NTM: variants seen among roughly 807,000 people sequenced by gnomAD.
The protein encoded by NTM is IgLON family member 2.
Under a neutral mutation model 42.1 loss-of-function variants are expected in NTM, and 13 were observed. That is an observed-to-expected ratio of 0.31 (90% CI 0.20 to 0.49). The LOEUF (loss-of-function observed/expected upper bound fraction) is 0.49, where lower values mean the gene tolerates loss of function less well. NTM is among the 20% of genes least tolerant of loss of function. The pLI is 0.99. For synonymous variants in NTM, 187 were observed against 179.2 expected (o/e 1.04, Z -0.35); for missense variants, 373 against 452.8 (o/e 0.82, Z 1.60).
At chr11:131,598,761 T>C (rs1279148842) in intron 1 of NTM, among the ~76,000 whole-genome samples, 2 of 48,948 alleles carry the variant, frequency 4.1e-5, no homozygotes, top group African/African-American at 1.4e-4. Flanking sequence ...CTTTCTTCTT[T>C]CTTTTTTTCT....
At chr11:131,730,870 G>A (rs1441929882) in intron 1 of NTM, among the ~76,000 whole-genome samples, 1 of 152,078 alleles carries the variant, frequency 6.6e-6, no homozygotes, top group Admixed American at 6.5e-5. Context: ...GTTTCTCTCT[G>A]ATATAAAACA....
At chr11:131,654,085 G>A (rs1034945176) in intron 1 of NTM, among the ~76,000 whole-genome samples, 2 of 152,182 alleles carry the variant, frequency 1.3e-5, no homozygotes, top group Admixed American at 6.5e-5. Context: ...GACTGTAACC[G>A]GTGATGGTGG....
chr11:131,484,299 GT>G (rs1209083262), intron 1 of NTM, among the ~76,000 whole-genome samples: 1 of 152,128 alleles, frequency 6.6e-6, no homozygotes, highest in African/African-American at 2.4e-5. Context: ...CTAAAGAAAG[GT>G]TTTTTTCAAT....
chr11:131,432,403 AG>A (rs1159921247), intron 1 of NTM, among the ~76,000 whole-genome samples: 1 of 152,204 alleles, frequency 6.6e-6, no homozygotes, highest in Non-Finnish European at 1.5e-5. Context: ...AGAAACTGAC[AG>A]AGGATCTTCT....
chr11:132,260,613 G>A (rs1413428509), intron 4 of NTM, among the ~76,000 whole-genome samples: 2 of 152,128 alleles, frequency 1.3e-5, no homozygotes, highest in Admixed American at 1.3e-4. Flanking sequence ...TTGTGTCCTC[G>A]GGTTTTGACT....
chr11:131,796,130 G>C, intron 1 of NTM: 11 of 985,430 alleles, frequency 1.1e-5, no homozygotes, highest in Non-Finnish European at 1.2e-5. Context: ...ACAGGAAGTT[G>C]AAGGACTGGA....
chr11:132,123,316 G>A (rs1263471018), intron 2 of NTM, among the ~76,000 whole-genome samples: 1 of 152,192 alleles, frequency 6.6e-6, no homozygotes, highest in African/African-American at 2.4e-5. Context: ...TTAGAAGAGA[G>A]GCTCTCTCGT....
intron 1 of NTM, among the ~76,000 whole-genome samples, chr11:131,437,648 C>A (rs929381056): frequency 1.3e-5 from 2 of 152,130 alleles, no homozygotes; most frequent in African/African-American, 2.4e-5. Context: ...GTAGATCTTC[C>A]TCCATCCCTT....
chr11:131,523,782 C>CAAA lies in NTM; in HGVS notation c.82+152915_82+152917dup, dbSNP rs3040114. Among the ~76,000 whole-genome samples, 169 of 71,982 alleles carry CAAA rather than the reference C, an allele frequency of 2.3e-3. 3 individuals carry two copies. The highest frequency in any genetic ancestry group is 4.0e-3 in the African/African-American group (78 of 19,550). The allele number at this position is 71,982 out of a possible 152,430, so 47.2% of individuals were successfully genotyped here. A position where few individuals can be genotyped will look rare whatever the true frequency, so the allele number is the denominator to read the frequency against. ...TGGCTGACAGAGCGAGACTCCATCTCAAAAAAAAAAAAAAAAAAAAAAAGA... is the reference window on the plus strand; with the variant it reads ...TGGCTGACAGAGCGAGACTCCATCTCAAAAAAAAAAAAAAAAAAAAAAAAAAGA... On this transcript the variant is annotated intron_variant, in intron 1 of 8. Coordinates refer to ENST00000683400, the MANE Select transcript of NTM (RefSeq NM_001352005.2).
At chr11:131,886,589 G>T (rs188637490) in intron 1 of NTM, among the ~76,000 whole-genome samples, 1 of 152,238 alleles carries the variant, frequency 6.6e-6, no homozygotes, top group South Asian at 2.1e-4. Context: ...TTTGGTGGCT[G>T]CTGTCTTGCT....
At chr11:131,789,456 A>AG (rs1491472736) in intron 1 of NTM, among the ~76,000 whole-genome samples, 1 of 12,858 alleles carries the variant, frequency 7.8e-5, no homozygotes, top group Non-Finnish European at 1.5e-4. Context: ...AAGAAGAAGA[A>AG]GAAGAAGAAG....
chr11:131,419,071 C>A (rs1947246103), intron 1 of NTM, among the ~76,000 whole-genome samples: 1 of 152,120 alleles, frequency 6.6e-6, no homozygotes, highest in African/African-American at 2.4e-5. Flanking sequence ...ATTTACCCAC[C>A]CATCTGTTCA....
intron 2 of NTM, among the ~76,000 whole-genome samples, chr11:131,986,992 G>A (rs2066169604): frequency 6.6e-6 from 1 of 152,112 alleles, no homozygotes; most frequent in Non-Finnish European, 1.5e-5. Flanking sequence ...GAGATGAAAG[G>A]GGAAAGAAGG....
chr11:131,827,957 A>C (rs1166049751), intron 1 of NTM, among the ~76,000 whole-genome samples: 2 of 152,094 alleles, frequency 1.3e-5, no homozygotes, highest in Non-Finnish European at 2.9e-5. Flanking sequence ...AATTTTTCTC[A>C]GTGTTGGATC....
chr11:131,735,838 GTGTGTGTGT>G (rs2080356438), intron 1 of NTM, among the ~76,000 whole-genome samples: 2 of 99,334 alleles, frequency 2.0e-5, no homozygotes, highest in Non-Finnish European at 3.7e-5. Context: ...TTCATAAGGT[GTGTGTGTGT>G]GTGTGTGTGT....
intron 1 of NTM, among the ~76,000 whole-genome samples, chr11:131,687,643 G>A (rs1051218340): frequency 1.2e-4 from 18 of 152,222 alleles, no homozygotes; most frequent in African/African-American, 3.9e-4. Context: ...CCTCGGGTGG[G>A]AGTGGGGGAT....
chr11:131,512,698 C>T (rs2048409914), intron 1 of NTM, among the ~76,000 whole-genome samples: 1 of 152,204 alleles, frequency 6.6e-6, no homozygotes, highest in African/African-American at 2.4e-5. Context: ...GAATCCTCTC[C>T]CAGCCCCAGC....
intron 1 of NTM, among the ~76,000 whole-genome samples, chr11:131,495,220 G>A (rs1390725483): frequency 6.6e-6 from 1 of 152,130 alleles, no homozygotes; most frequent in Non-Finnish European, 1.5e-5. Flanking sequence ...ATGGTCCCAG[G>A]GGACAGCCAG....
At chr11:132,294,660 C>A (rs1455814872) in intron 4 of NTM, among the ~76,000 whole-genome samples, 3 of 152,084 alleles carry the variant, frequency 2.0e-5, no homozygotes, top group African/African-American at 7.2e-5. Flanking sequence ...GCAGGCAAAG[C>A]CCTTAGTCCT....
Sources: gnomAD v4.1 joint callset for allele counts (sites outside exome capture counted in the v4.1 genomes callset) on GRCh38, gnomAD v4.1.1 for gene constraint, MANE v1.5 for transcripts, NCBI Gene and HGNC (gene_info 2026-07-23, HGNC 2026-07-21) for gene names.